The following ZNF516 variants were observed in gnomAD, a reference collection of about 807,000 sequenced individuals.
ZNF516 encodes zinc finger protein 516.
A neutral mutation model predicts 79.7 loss-of-function variants in ZNF516; 19 were observed. The ratio of observed to expected loss-of-function variants is 0.24; its 90% CI spans 0.17 to 0.35. The LOEUF (loss-of-function observed/expected upper bound fraction) is 0.35, where lower values mean the gene tolerates loss of function less well. Among genes scored for constraint, ZNF516 ranks in the 10% least tolerant of loss-of-function variants. The pLI is 1.00. For synonymous variants in ZNF516, 877 were observed against 739.5 expected, an observed-to-expected ratio of 1.19 and a Z score of -3.02; for missense variants, 1,678 against 1,679.5, an observed-to-expected ratio of 1.00 and a Z score of 0.02.
At chr18:76,423,964 G>A (rs1397771335) in intron 3 of ZNF516, among the ~76,000 whole-genome samples, 2 of 139,234 alleles carry the variant, frequency 1.4e-5, no homozygotes, top group South Asian at 2.3e-4. Flanking sequence ...AACACACGCA[G>A]GTGAAAAGGC....
chr18:76,465,745 G>A (rs1049080894), intron 1 of ZNF516, among the ~76,000 whole-genome samples: 2 of 152,140 alleles, frequency 1.3e-5, no homozygotes, highest in African/African-American at 4.8e-5. Context: ...GGGCACAGAA[G>A]TCCCTGCACC....
intron 3 of ZNF516, among the ~76,000 whole-genome samples, chr18:76,418,254 C>T (rs971597507): frequency 2.0e-5 from 3 of 152,088 alleles, no homozygotes; most frequent in Non-Finnish European, 4.4e-5. Flanking sequence ...AACACACTAA[C>T]ATACACCGTA....
chr18:76,390,656 G>T (rs554183441), intron 3 of ZNF516, among the ~76,000 whole-genome samples: 1 of 152,318 alleles, frequency 6.6e-6, no homozygotes, highest in East Asian at 1.9e-4. Context: ...AGCAACCCGG[G>T]TCCCGCAGGC....
At chr18:76,487,968 G>A (rs1413855692) in intron 1 of ZNF516, 1 of 985,438 alleles carries the variant, frequency 1.0e-6, no homozygotes, top group Non-Finnish European at 1.2e-6. Context: ...CATGCCACCA[G>A]TTAGCGACCA....
chr18:76,475,569 T>A (rs549487462), intron 1 of ZNF516, among the ~76,000 whole-genome samples: 3 of 152,298 alleles, frequency 2.0e-5, no homozygotes, highest in Non-Finnish European at 2.9e-5. Context: ...AGAAAGCTGA[T>A]AGCAGCCCAA....
intron 2 of ZNF516, among the ~76,000 whole-genome samples, chr18:76,453,291 T>C (rs930615170): frequency 6.6e-6 from 1 of 152,126 alleles, no homozygotes; most frequent in Non-Finnish European, 1.5e-5. Flanking sequence ...TGTCAACATT[T>C]CCATTAAGAG....
intron 2 of ZNF516, among the ~76,000 whole-genome samples, chr18:76,444,617 T>C (rs183200027): frequency 6.6e-6 from 1 of 152,278 alleles, no homozygotes. Flanking sequence ...GCTCCGAGTT[T>C]TGCAGCCTCC....
intron 1 of ZNF516, chr18:76,490,700 C>A (rs3764497): frequency 0.15 from 134,420 of 901,050 alleles, 10,535 homozygotes; most frequent in Admixed American, 0.23. Flanking sequence ...AGATTCGAAA[C>A]TGCATGGCAG....
intron 3 of ZNF516, among the ~76,000 whole-genome samples, chr18:76,410,320 G>A (rs888187585): frequency 2.6e-5 from 4 of 152,132 alleles, no homozygotes; most frequent in Non-Finnish European, 5.9e-5. Flanking sequence ...CCTGATTCTC[G>A]GGTCAGGGCT....
At chr18:76,490,546 A>C (rs2145832995) in intron 1 of ZNF516, 1 of 163,172 alleles carries the variant, frequency 6.1e-6, no homozygotes, top group African/African-American at 2.4e-5. Context: ...CATATTAATA[A>C]GGTGGTTTTT....
chr18:76,382,255 G>A (rs993684656), intron 3 of ZNF516, among the ~76,000 whole-genome samples: 2 of 152,176 alleles, frequency 1.3e-5, no homozygotes, highest in African/African-American at 4.8e-5. Context: ...GCAGTGCTAG[G>A]ATGCACCACG....
At chr18:76,479,374 T>C (rs778082275) in intron 1 of ZNF516, among the ~76,000 whole-genome samples, 1 of 152,250 alleles carries the variant, frequency 6.6e-6, no homozygotes, top group Non-Finnish European at 1.5e-5. Context: ...GATTTCCTTC[T>C]GTTTTCTGAA....
chr18:76,441,163 C>T (rs1233848741), intron 3 of ZNF516, 82 bp downstream of exon 3: 3 of 1,498,800 alleles, frequency 2.0e-6, no homozygotes, highest in South Asian at 1.3e-5. Context: ...AGCGAGCCTA[C>T]TTGAGTATAC....
At chr18:76,492,686 A>G in intron 1 of ZNF516, 1 of 980,226 alleles carries the variant, frequency 1.0e-6, no homozygotes, top group Non-Finnish European at 1.2e-6. Context: ...AAGGCCAGAG[A>G]AACCGCACGT....
chr18:76,418,446 T>G (rs1400112766), intron 3 of ZNF516, among the ~76,000 whole-genome samples: 1 of 151,372 alleles, frequency 6.6e-6, no homozygotes, highest in Non-Finnish European at 1.5e-5. Flanking sequence ...CACTAACACA[T>G]GCTGTAACAT....
rs536557281 is a variant in ZNF516, at chr18:76,493,250, G to A, written c.-272+1894C>T. 1.1e-6 allele frequency: 1 copy of A among 924,646 alleles called. No homozygotes were observed. Among genetic ancestry groups the A allele is most frequent in the Admixed American group, 6.6e-5 (1 of 15,140 alleles). 57.3% of individuals were successfully genotyped at this position (924,646 alleles called of 1,614,324 possible). On this transcript the variant is annotated intron_variant, in intron 1 of 6. Coordinates refer to ENST00000443185, the MANE Select transcript of ZNF516 (RefSeq NM_014643.4). The surrounding 1 kb of genome is among the most constrained non-coding windows in gnomAD (Gnocchi z 5.2). ...TAAATATATTTTGTACTTCCACAAA[G>A]GATGGAAAGGGAAATTCACGAAGGG...
chr18:76,436,724 T>C (rs1041248467), intron 3 of ZNF516, among the ~76,000 whole-genome samples: 2 of 151,960 alleles, frequency 1.3e-5, no homozygotes, highest in African/African-American at 2.4e-5. Flanking sequence ...CCTCATTCCA[T>C]TCTCCCTTCC....
intron 3 of ZNF516, among the ~76,000 whole-genome samples, chr18:76,435,115 C>T (rs2075712718): frequency 6.6e-6 from 1 of 152,146 alleles, no homozygotes; most frequent in South Asian, 2.1e-4. Context: ...CTCGAAAATT[C>T]TATGATCCTA....
chr18:76,477,852 T>C lies in ZNF516; in HGVS notation c.-271-14711A>G, dbSNP rs546120202. Among the ~76,000 whole-genome samples, 5 of 152,200 alleles carry C rather than the reference T, an allele frequency of 3.3e-5. No individual in the cohort carries two copies. In the South Asian group the frequency reaches 1.0e-3, roughly 32 times the overall value. On this transcript the variant is annotated intron_variant, in intron 1 of 6. Coordinates refer to ENST00000443185, the MANE Select transcript of ZNF516 (RefSeq NM_014643.4). Reference sequence around the variant, plus strand: ...CTTTAAGAAGATGCTTTAAGAAGCATCTTCTTAAAGGAGTTTGGTTTGCTT... The same window carrying C: ...CTTTAAGAAGATGCTTTAAGAAGCACCTTCTTAAAGGAGTTTGGTTTGCTT...
Sources: allele counts gnomAD v4.1 joint callset (sites outside exome capture counted in the v4.1 genomes callset), GRCh38; gene constraint gnomAD v4.1.1; non-coding constraint Gnocchi (gnomAD v3.1); transcripts MANE v1.5; gene names NCBI Gene and HGNC (gene_info 2026-07-23, HGNC 2026-07-21).